GARRE1: variants seen among roughly 807,000 people sequenced by gnomAD.
GARRE1 encodes granule associated Rac and RHOG effector protein 1.
GARRE1 carries 49 observed loss-of-function variants against 103.2 expected under a neutral mutation model. The observed-to-expected ratio is 0.47, with a 90% confidence interval of 0.38 to 0.60. GARRE1 has a LOEUF of 0.60. GARRE1 is among the 20% of genes least tolerant of loss of function. The probability of loss-of-function intolerance (pLI) is 0.00; values close to 1 mark genes in which losing one functional copy is unlikely to be tolerated. For synonymous variants in GARRE1, 505 were observed against 532.8 expected, an observed-to-expected ratio of 0.95 and a Z score of 0.72; for missense variants, 1,199 against 1,370.5, an observed-to-expected ratio of 0.87 and a Z score of 1.98.
intron 1 of GARRE1, among the ~76,000 whole-genome samples, chr19:34,276,273 C>T (rs1267360792): frequency 2.0e-5 from 3 of 152,126 alleles, no homozygotes; most frequent in Non-Finnish European, 2.9e-5. Context: ...ATGCTCCTGA[C>T]CTCAGGTGAT....
chr19:34,335,613 C>T (rs1377568709), intron 8 of GARRE1, among the ~76,000 whole-genome samples: 1 of 152,178 alleles, frequency 6.6e-6, no homozygotes, highest in Non-Finnish European at 1.5e-5. Context: ...GCAGCCTCTT[C>T]CGCCTGGGTT....
chr19:34,296,288 C>CT, intron 1 of GARRE1: 1 of 710,648 alleles, frequency 1.4e-6, no homozygotes, highest in Non-Finnish European at 2.5e-6. Context: ...ACTCTGAAGC[C>CT]TTTGTAGGGG....
chr19:34,316,696 T>C (rs2074062066), intron 2 of GARRE1, among the ~76,000 whole-genome samples: 1 of 152,246 alleles, frequency 6.6e-6, no homozygotes, highest in Non-Finnish European at 1.5e-5. Flanking sequence ...TTTGATTGGC[T>C]TTGAATAAGT....
At chr19:34,282,684 A>T (rs139703043) in intron 1 of GARRE1, among the ~76,000 whole-genome samples, 1 of 152,252 alleles carries the variant, frequency 6.6e-6, no homozygotes, top group African/African-American at 2.4e-5. Context: ...TCTGTTTTTC[A>T]ATAGTCCTCT....
intron 1 of GARRE1, among the ~76,000 whole-genome samples, chr19:34,269,396 C>G (rs1266378404): frequency 6.6e-6 from 1 of 152,140 alleles, no homozygotes; most frequent in South Asian, 2.1e-4. Context: ...TTTATTTTTA[C>G]TTGTGATAGA....
In GARRE1 at chr19:34,341,261, T is replaced by A. The variant is rs10409012; in HGVS notation, c.1488-161T>A. The A allele has an allele frequency of 0.016, 10,274 of 629,110 alleles. 721 individuals carry two copies. The African/African-American group carries it at 0.16, about 10-fold the overall frequency. 39.0% of individuals were successfully genotyped at this position (629,110 alleles called of 1,614,324 possible). The stretch of plus-strand genomic sequence containing the variant: ...GTTAGACACTGTAGATTTCATACTC[T>A]CCAAACCCCTGGGTGTTCATTTATA... On this transcript the variant is annotated intron_variant, in intron 9 of 13. Coordinates refer to ENST00000299505, the MANE Select transcript of GARRE1 (RefSeq NM_014686.5).
At position 34,300,770 on chromosome 19, in the gene GARRE1, T is replaced by G. The variant is rs1375495068; in HGVS notation, c.297T>G (p.Asp99Glu). 5 of 1,614,116 alleles carry G rather than the reference T, an allele frequency of 3.1e-6. No individual in the cohort carries two copies. The highest frequency in any genetic ancestry group is 1.6e-4 in the Middle Eastern group (1 of 6,062). Residue 99 changes from aspartate (D) to glutamate (E), a missense_variant, in exon 2 of 14, where the codon GAT becomes GAG. Asp to Glu is a conservative substitution (Grantham distance 45). Coordinates refer to ENST00000299505, the MANE Select transcript of GARRE1 (RefSeq NM_014686.5). Reference sequence around the variant, plus strand: ...GCCGTGCCAGTACTTTCCTCACAGATCTCTTCAGCACTGTGTTCAGGAACT... The same window carrying G: ...GCCGTGCCAGTACTTTCCTCACAGAGCTCTTCAGCACTGTGTTCAGGAACT... ...VFCRASTFLTDLFSTVFRNSH... is the reference protein window; with the variant it reads ...VFCRASTFLTELFSTVFRNSH...
At chr19:34,344,546 C>G (rs113059243) in intron 10 of GARRE1, among the ~76,000 whole-genome samples, 2,728 of 149,046 alleles carry the variant, frequency 0.018, 84 homozygotes, top group African/African-American at 0.063. Flanking sequence ...AGCCGAGATC[C>G]CGCCACTGCA....
intron 12 of GARRE1, among the ~76,000 whole-genome samples, 164 bp downstream of exon 12, chr19:34,349,317 A>G (rs1282824687): frequency 6.6e-6 from 1 of 152,200 alleles, no homozygotes; most frequent in African/African-American, 2.4e-5. Flanking sequence ...GAGCACCTGC[A>G]GGAGGCGGTT....
At chr19:34,260,910 A>G (rs2073713507) in intron 1 of GARRE1, among the ~76,000 whole-genome samples, 1 of 152,184 alleles carries the variant, frequency 6.6e-6, no homozygotes, top group East Asian at 1.9e-4. Context: ...TTTCTGGGAG[A>G]GGATTGGGAC....
chr19:34,328,328 G>C (rs1282010103), intron 6 of GARRE1, among the ~76,000 whole-genome samples, 177 bp downstream of exon 6: 3 of 152,018 alleles, frequency 2.0e-5, no homozygotes, highest in Non-Finnish European at 2.9e-5. Context: ...TCAGGAGTTT[G>C]AGACCAGCCT....
At position 34,349,022 on chromosome 19, in the gene GARRE1, C is replaced by T; in HGVS notation, c.2694C>T (p.Gly898=). 1.2e-6 allele frequency: 2 copies of T among 1,610,822 alleles called. No homozygotes were observed. Among genetic ancestry groups the T allele is most frequent in the Non-Finnish European group, 1.7e-6 (2 of 1,179,950 alleles). The stretch of plus-strand genomic sequence containing the variant: ...TTCTCTCTCTGGCTTTCAGGGATGG[C>T]CTGCACGGTGGCTGGTCGGGTGCTC... ...PFPEFFTEGD[G]LHGGWSGAQG... The change falls in exon 12 of 14, where the codon GGC becomes GGT. Residue 898 remains glycine, a synonymous_variant. Transcript: ENST00000299505.
intron 1 of GARRE1, among the ~76,000 whole-genome samples, chr19:34,259,074 C>T (rs545358718): frequency 9.3e-5 from 14 of 150,954 alleles, no homozygotes; most frequent in Admixed American, 5.9e-4. Context: ...AGGCTGAGGC[C>T]GGAGGATTGC....
At chr19:34,258,642 TA>T (rs1219014340) in intron 1 of GARRE1, among the ~76,000 whole-genome samples, 1 of 151,942 alleles carries the variant, frequency 6.6e-6, no homozygotes, top group East Asian at 1.9e-4. Flanking sequence ...ATTAAAAAAT[TA>T]GCCGGACATG....
At chr19:34,331,195 G>A (rs532042766) in intron 7 of GARRE1, among the ~76,000 whole-genome samples, 1 of 150,806 alleles carries the variant, frequency 6.6e-6, no homozygotes, top group African/African-American at 2.4e-5. Flanking sequence ...CACCACACCC[G>A]GCCCTTAAAA....
At chr19:34,338,932 G>A (rs1352601211) in intron 8 of GARRE1, among the ~76,000 whole-genome samples, 1 of 152,126 alleles carries the variant, frequency 6.6e-6, no homozygotes, top group African/African-American at 2.4e-5. Context: ...GTGAGAGCTT[G>A]GTCCTGAGAC....
chr19:34,297,810 T>C (rs889121681), intron 1 of GARRE1, among the ~76,000 whole-genome samples: 1 of 152,272 alleles, frequency 6.6e-6, no homozygotes, highest in Non-Finnish European at 1.5e-5. Context: ...CCATTTGATA[T>C]TTGTTTCTTG....
intron 1 of GARRE1, among the ~76,000 whole-genome samples, chr19:34,298,988 A>G (rs1325611106): frequency 1.3e-5 from 2 of 152,154 alleles, no homozygotes; most frequent in South Asian, 2.1e-4. Flanking sequence ...GCACACCCAG[A>G]GGGAAACTGG....
At chr19:34,285,937 AC>A (rs533257468) in intron 1 of GARRE1, among the ~76,000 whole-genome samples, 1 of 152,092 alleles carries the variant, frequency 6.6e-6, no homozygotes, top group Non-Finnish European at 1.5e-5. Context: ...TTGGGTAGGA[AC>A]CCCAGGCGTG....
Sources: allele counts gnomAD v4.1 joint callset (sites outside exome capture counted in the v4.1 genomes callset), GRCh38; gene constraint gnomAD v4.1.1; transcripts MANE v1.5; gene names NCBI Gene and HGNC (gene_info 2026-07-23, HGNC 2026-07-21).